Variants in TMEM178B observed in about 807,000 individuals in gnomAD.
TMEM178B encodes the protein transmembrane protein 178B.
Under a neutral mutation model 31.0 loss-of-function variants are expected in TMEM178B, and 5 were observed. The observed-to-expected ratio is 0.16, with a 90% CI of 0.08 to 0.34. The LOEUF (loss-of-function observed/expected upper bound fraction) is 0.34, where lower values mean the gene tolerates loss of function less well. Among genes scored for constraint, TMEM178B ranks in the 10% least tolerant of loss-of-function variants. The pLI is 1.00. For synonymous variants in TMEM178B, 164 were observed against 164.0 expected (o/e 1.00, Z 0.00); for missense variants, 275 against 400.3 (o/e 0.69, Z 2.67).
chr7:141,363,567 C>A (rs944436576), intron 2 of TMEM178B, among the ~76,000 whole-genome samples: 3 of 152,188 alleles, frequency 2.0e-5, no homozygotes, highest in Non-Finnish European at 2.9e-5. Context: ...AACTGCAGTG[C>A]TATTTCTGCT....
At chr7:141,437,305 T>TA (rs1405597762) in intron 2 of TMEM178B, among the ~76,000 whole-genome samples, 1 of 152,204 alleles carries the variant, frequency 6.6e-6, no homozygotes, top group East Asian at 1.9e-4. Context: ...TTGAGATAGA[T>TA]ATATAGCTAG....
chr7:141,224,702 G>A (rs971801777), intron 2 of TMEM178B, among the ~76,000 whole-genome samples: 12 of 152,186 alleles, frequency 7.9e-5, no homozygotes, highest in African/African-American at 2.7e-4. Context: ...GGACTCAGAT[G>A]GAGTTCAGTT....
chr7:141,123,775 C>T (rs1378882718), intron 1 of TMEM178B, among the ~76,000 whole-genome samples: 1 of 151,832 alleles, frequency 6.6e-6, no homozygotes, highest in Non-Finnish European at 1.5e-5. Flanking sequence ...TTTTTTGAGA[C>T]AGAGTCTCAA....
At chr7:141,257,675 C>T (rs981966531) in intron 2 of TMEM178B, among the ~76,000 whole-genome samples, 6 of 152,218 alleles carry the variant, frequency 3.9e-5, no homozygotes, top group East Asian at 3.9e-4. Context: ...GAAGATGGAG[C>T]GGGGAGGCAA....
chr7:141,135,084 T>C (rs1795654773), intron 1 of TMEM178B, among the ~76,000 whole-genome samples: 1 of 152,208 alleles, frequency 6.6e-6, no homozygotes, highest in Non-Finnish European at 1.5e-5. Flanking sequence ...CCTTCTTGCC[T>C]TCCTCCATGA....
chr7:141,367,491 T>A lies in TMEM178B; in HGVS notation c.497-70117T>A, dbSNP rs1800030255. 2.6e-5 allele frequency among the ~76,000 whole-genome samples: 4 copies of A among 152,200 alleles called. No individual in the cohort carries two copies. The South Asian group carries it at 8.3e-4, about 32-fold the overall frequency. On this transcript the variant is annotated intron_variant, in intron 2 of 3. Transcript: ENST00000565468. ...GGTTTCGCCCTGTTAGCCAGGCTGG[T>A]CTGGAACTCCAGACCTCATGTGATC... is the stretch of plus-strand genomic sequence containing the variant.
At chr7:141,453,820 T>C (rs926652383) in intron 3 of TMEM178B, among the ~76,000 whole-genome samples, 4 of 152,328 alleles carry the variant, frequency 2.6e-5, no homozygotes, top group South Asian at 2.1e-4. Context: ...TATTTATTCA[T>C]TCTAGTTTAG....
chr7:141,407,604 A>G (rs1359344528), intron 2 of TMEM178B, among the ~76,000 whole-genome samples: 3 of 152,206 alleles, frequency 2.0e-5, no homozygotes, highest in African/African-American at 4.8e-5. Flanking sequence ...ATATATTCAA[A>G]CAACCCTGGG....
chr7:141,280,421 C>T (rs892682046), intron 2 of TMEM178B, among the ~76,000 whole-genome samples: 3 of 152,088 alleles, frequency 2.0e-5, no homozygotes, highest in African/African-American at 7.2e-5. Context: ...ATACTGTTCT[C>T]GTGGTAGTGT....
chr7:141,460,177 A>T (rs1463121180), intron 3 of TMEM178B, among the ~76,000 whole-genome samples: 1 of 152,246 alleles, frequency 6.6e-6, no homozygotes, highest in Non-Finnish European at 1.5e-5. Context: ...CTAAAACATT[A>T]CAAATTAATT....
intron 2 of TMEM178B, among the ~76,000 whole-genome samples, chr7:141,288,268 T>G (rs1473625045): frequency 6.6e-6 from 1 of 152,142 alleles, no homozygotes; most frequent in Non-Finnish European, 1.5e-5. Flanking sequence ...TCTTTCTTGC[T>G]TGAAGGGCTT....
chr7:141,486,480 C>T, the TMEM178B span, among the ~76,000 whole-genome samples: 1 of 152,134 alleles, frequency 6.6e-6, no homozygotes, highest in Non-Finnish European at 1.5e-5. Flanking sequence ...CTTTCATATA[C>T]CTTCAGAGTC....
chr7:141,196,529 G>A (rs1470455124), intron 1 of TMEM178B, among the ~76,000 whole-genome samples: 7 of 152,178 alleles, frequency 4.6e-5, no homozygotes, highest in East Asian at 1.9e-4. Flanking sequence ...GGAATGTGGA[G>A]CAGCGTTTCT....
In TMEM178B at chr7:141,318,590, A is replaced by C. The variant is rs1252296644; in HGVS notation, c.496+105886A>C. Among the ~76,000 whole-genome samples the C allele has an allele frequency of 6.6e-6, 1 of 152,222 alleles. No individual in the cohort carries two copies. The highest frequency in any genetic ancestry group is 1.5e-5 in the Non-Finnish European group (1 of 68,032). On this transcript the variant is annotated intron_variant, in intron 2 of 3. Transcript: ENST00000565468. The surrounding 1 kb of genome is among the most constrained non-coding windows in gnomAD (Gnocchi z 4.1). ...GACTAAAATATTCCTCATCTCTTCA[A>C]ACCCGTGCTGTGTTGCCCAGTTGTT...
chr7:141,246,687 G>T (rs749215934), intron 2 of TMEM178B, among the ~76,000 whole-genome samples: 2 of 152,074 alleles, frequency 1.3e-5, no homozygotes, highest in African/African-American at 4.8e-5. Flanking sequence ...AAGCAAAGGC[G>T]TAGAGGTGGG....
intron 2 of TMEM178B, among the ~76,000 whole-genome samples, chr7:141,428,135 G>A (rs892413662): frequency 1.3e-5 from 2 of 151,928 alleles, no homozygotes; most frequent in Admixed American, 6.6e-5. Flanking sequence ...TGGTGCCAGG[G>A]AAAGACAGTC....
At chr7:141,433,958 G>C (rs972048490) in intron 2 of TMEM178B, among the ~76,000 whole-genome samples, 2 of 152,190 alleles carry the variant, frequency 1.3e-5, no homozygotes, top group Non-Finnish European at 2.9e-5. Context: ...ACAACCCTCA[G>C]CTTCTGCTGA....
chr7:141,298,150 G>T (rs1464778022), intron 2 of TMEM178B, among the ~76,000 whole-genome samples: 1 of 152,158 alleles, frequency 6.6e-6, no homozygotes, highest in Non-Finnish European at 1.5e-5. Context: ...TTGCATAAAT[G>T]TCTTCTTTTG....
intron 1 of TMEM178B, among the ~76,000 whole-genome samples, chr7:141,136,769 G>C (rs1234934288): frequency 6.6e-6 from 1 of 152,186 alleles, no homozygotes; most frequent in Non-Finnish European, 1.5e-5. Flanking sequence ...GGGAGGCTGA[G>C]GCAAGAGGAT....
Sources: gnomAD v4.1 joint callset for allele counts (sites outside exome capture counted in the v4.1 genomes callset) on GRCh38, gnomAD v4.1.1 for gene constraint, Gnocchi (gnomAD v3.1) non-coding constraint, MANE v1.5 for transcripts, NCBI Gene and HGNC (gene_info 2026-07-23, HGNC 2026-07-21) for gene names.